SLIT3: variants seen among roughly 807,000 people sequenced by gnomAD.
SLIT3 encodes the protein slit homolog 3 protein.
A neutral mutation model predicts 184.0 loss-of-function variants in SLIT3; 68 were observed. The ratio of observed to expected loss-of-function variants is 0.37; its 90% CI spans 0.30 to 0.45. SLIT3 has a LOEUF of 0.45. Among genes scored for constraint, SLIT3 ranks in the 20% least tolerant of loss-of-function variants. The pLI, the probability that SLIT3 is intolerant of heterozygous loss-of-function variation, is 1.00. For synonymous variants in SLIT3, 831 were observed against 828.6 expected, an observed-to-expected ratio of 1.00 and a Z score of -0.05; for missense variants, 1,707 against 2,026.0, an observed-to-expected ratio of 0.84 and a Z score of 3.02.
At chr5:168,904,919 C>A (rs966694850) in intron 4 of SLIT3, among the ~76,000 whole-genome samples, 4 of 152,106 alleles carry the variant, frequency 2.6e-5, no homozygotes, top group South Asian at 2.1e-4. Context: ...GTAATCCTAG[C>A]GCTTTGGGAG....
chr5:169,153,737 A>C (rs1762202654), intron 4 of SLIT3, among the ~76,000 whole-genome samples: 1 of 152,262 alleles, frequency 6.6e-6, no homozygotes, highest in South Asian at 2.1e-4. Context: ...ACTCCCCAAC[A>C]TGAATGTTGC....
At chr5:169,203,998 T>G (rs1203592576) in intron 3 of SLIT3, among the ~76,000 whole-genome samples, 5 of 151,866 alleles carry the variant, frequency 3.3e-5, no homozygotes, top group Admixed American at 2.0e-4. Context: ...GATAGAGAGA[T>G]GTAGGTGGTA....
intron 4 of SLIT3, among the ~76,000 whole-genome samples, chr5:169,158,719 C>T (rs1251071741): frequency 6.6e-6 from 1 of 152,098 alleles, no homozygotes; most frequent in Admixed American, 6.5e-5. Context: ...GAGGTTTCTA[C>T]ACTTCAGTTT....
At chr5:168,779,215 A>T (rs1462728557) in intron 12 of SLIT3, among the ~76,000 whole-genome samples, 1 of 152,182 alleles carries the variant, frequency 6.6e-6, no homozygotes, top group Non-Finnish European at 1.5e-5. Context: ...GACTCACGAC[A>T]TCATAGCCCA....
intron 4 of SLIT3, among the ~76,000 whole-genome samples, chr5:169,129,568 C>T (rs918813940): frequency 6.6e-6 from 1 of 152,006 alleles, no homozygotes; most frequent in African/African-American, 2.4e-5. Flanking sequence ...AAAAAGTTCT[C>T]TAAATTCTTG....
chr5:169,045,050 C>T lies in SLIT3; in HGVS notation c.413+148429G>A, dbSNP rs148937307. 1.4e-3 allele frequency among the ~76,000 whole-genome samples: 213 copies of T among 152,264 alleles called. 2 individuals carry two copies. Among genetic ancestry groups the T allele is most frequent in the African/African-American group, 4.9e-3 (203 of 41,542 alleles). On this transcript the variant is annotated intron_variant, in intron 4 of 35. Coordinates refer to ENST00000519560, the MANE Select transcript of SLIT3 (RefSeq NM_003062.4). ...GCGAGATGAAGCAGCACCAGAGATG[C>T]GGGGTCATGCTAAGGTTTCATAGAA...
chr5:168,983,714 T>A (rs1755028030), intron 4 of SLIT3, among the ~76,000 whole-genome samples: 1 of 152,184 alleles, frequency 6.6e-6, no homozygotes, highest in African/African-American at 2.4e-5. Flanking sequence ...CAGTAAACAT[T>A]AGCTGTTATA....
At chr5:169,043,737 A>T (rs141744343) in intron 4 of SLIT3, among the ~76,000 whole-genome samples, 1 of 152,336 alleles carries the variant, frequency 6.6e-6, no homozygotes, top group African/African-American at 2.4e-5. Context: ...AGAGAAAGCA[A>T]TGAGTTTCTC....
At chr5:168,726,376 GAGAGGGAGGCAGGGAGGCAGAGGGAGGC>G (rs2113381402) in intron 20 of SLIT3, among the ~76,000 whole-genome samples, 1 of 41,388 alleles carries the variant, frequency 2.4e-5, no homozygotes, top group Middle Eastern at 9.6e-3. Context: ...GGCAGGGAGG[GAGAGGGAGGCAGGGAGGCAGAGGGAGGC>G]AGGGAGGCAG....
intron 4 of SLIT3, among the ~76,000 whole-genome samples, chr5:168,979,171 G>A (rs1355026007): frequency 6.6e-6 from 1 of 152,216 alleles, no homozygotes; most frequent in African/African-American, 2.4e-5. Flanking sequence ...GGGCCCACAT[G>A]TCAAAGAATC....
At chr5:169,018,599 G>A (rs1205326630) in intron 4 of SLIT3, 3 of 152,220 alleles carry the variant, frequency 2.0e-5, no homozygotes, top group Admixed American at 6.5e-5. Flanking sequence ...AATCAGGCGT[G>A]AGCGCAAGAG....
intron 5 of SLIT3, among the ~76,000 whole-genome samples, chr5:168,866,380 G>A (rs1366952156): frequency 6.6e-6 from 1 of 152,220 alleles, no homozygotes; most frequent in Non-Finnish European, 1.5e-5. Flanking sequence ...CCAATCCACT[G>A]TCATAATGTG....
chr5:168,972,710 T>TCCTC (rs1329517546), intron 4 of SLIT3, among the ~76,000 whole-genome samples: 1 of 152,158 alleles, frequency 6.6e-6, no homozygotes. Flanking sequence ...TTTCCTTCCT[T>TCCTC]CCTCTTGCTG....
chr5:169,034,945 G>A lies in SLIT3; in HGVS notation c.414-151609C>T, dbSNP rs558038523. 4.5e-3 allele frequency among the ~76,000 whole-genome samples: 674 copies of A among 150,216 alleles called. 6 individuals are homozygous for A. The highest frequency in any genetic ancestry group is 7.1e-3 in the Non-Finnish European group (478 of 67,696). On this transcript the variant is annotated intron_variant, in intron 4 of 35. Transcript: ENST00000519560. ...TGTGTGTGTGTGTGTGTGTGTGTGT[G>A]TGTGTGTGTGTGTTTTGGTAGAGAC...
chr5:169,038,230 G>A (rs1269572173), intron 4 of SLIT3, among the ~76,000 whole-genome samples: 1 of 152,114 alleles, frequency 6.6e-6, no homozygotes, highest in Non-Finnish European at 1.5e-5. Context: ...ACGGGTCTGT[G>A]GACCTCATTT....
At position 168,762,636 on chromosome 5, in the gene SLIT3, A is replaced by G; in HGVS notation, c.1513T>C (p.Cys505Arg). The G allele has an allele frequency of 6.2e-7, 1 of 1,614,170 alleles. No homozygotes were observed. Among genetic ancestry groups the G allele is most frequent in the Non-Finnish European group, 8.5e-7 (1 of 1,180,032 alleles). ...CCCTCACAGCGACACTTCTCGGGGC[A>G]CACGAGGTCCATGAAGCACTCGCTG... Reference protein sequence around the residue: ...FSSECFMDLVCPEKCRCEGTI... With the variant: ...FSSECFMDLVRPEKCRCEGTI... The change falls in exon 15 of 36, where the codon TGC (cysteine) becomes CGC (arginine). Residue 505 changes from cysteine to arginine, a missense_variant. Transcript: ENST00000519560.
chr5:168,947,992 A>T (rs1415758652), intron 4 of SLIT3, among the ~76,000 whole-genome samples: 1 of 151,802 alleles, frequency 6.6e-6, no homozygotes, highest in Non-Finnish European at 1.5e-5. Context: ...GGGTCTCGCC[A>T]TGTTGGCCAG....
chr5:169,093,391 G>A (rs774931198), intron 4 of SLIT3, among the ~76,000 whole-genome samples: 1 of 143,468 alleles, frequency 7.0e-6, no homozygotes, highest in Non-Finnish European at 1.5e-5. Context: ...TTTGAGTCCA[G>A]TAAATCTACA....
At chr5:168,848,788 C>T (rs547323662) in intron 5 of SLIT3, among the ~76,000 whole-genome samples, 17 of 152,154 alleles carry the variant, frequency 1.1e-4, no homozygotes, top group Non-Finnish European at 1.6e-4. Context: ...AAATAATCTC[C>T]GCAAACGGCA....
Sources: gnomAD v4.1 joint callset for allele counts (sites outside exome capture counted in the v4.1 genomes callset) on GRCh38, gnomAD v4.1.1 for gene constraint, MANE v1.5 for transcripts, NCBI Gene and HGNC (gene_info 2026-07-23, HGNC 2026-07-21) for gene names.